The following RUSC2 variants were observed in gnomAD, a reference collection of about 807,000 sequenced individuals.
RUSC2 encodes RUN and SH3 domain containing 2, also known as AP-4 complex accessory subunit RUSC2.
Under a neutral mutation model 122.2 loss-of-function variants are expected in RUSC2, and 34 were observed. The observed-to-expected ratio is 0.28, with a 90% CI of 0.21 to 0.37. The LOEUF is 0.37. Ranked by LOEUF, RUSC2 falls within the 10% of genes least tolerant of loss-of-function variation. The pLI, the probability that RUSC2 is intolerant of heterozygous loss-of-function variation, is 1.00. For missense variants in RUSC2, 1,747 were observed against 1,952.4 expected, an observed-to-expected ratio of 0.89 and a Z score of 1.98; for synonymous variants, 784 against 790.0, an observed-to-expected ratio of 0.99 and a Z score of 0.13.
rs563327464 is a variant in RUSC2 at position 35,561,387 on chromosome 9, C to T, written c.*5C>T. 11 of 1,603,404 alleles carry T rather than the reference C, an allele frequency of 6.9e-6. No homozygotes were observed. In the East Asian group the frequency reaches 1.8e-4, roughly 26 times the overall value. On this transcript the variant is annotated 3_prime_UTR_variant, in exon 12 of 12. Coordinates refer to ENST00000361226, the MANE Select transcript of RUSC2 (RefSeq NM_014806.5). The stretch of plus-strand genomic sequence containing the variant: ...CCTGGAAGCAGCCAAAACTGAGGCC[C>T]TGTGCATGCTGGTGGCCTCAGGGAC...
chr9:35,528,810 G>C (rs891650800), intron 1 of RUSC2, among the ~76,000 whole-genome samples: 4 of 152,132 alleles, frequency 2.6e-5, no homozygotes, highest in African/African-American at 9.7e-5. Context: ...AAAGGGCCGG[G>C]CATGGTGTCT....
At chr9:35,544,307 C>CT (rs55870659) in intron 1 of RUSC2, among the ~76,000 whole-genome samples, 3,385 of 113,068 alleles carry the variant, frequency 0.03, 297 homozygotes, top group African/African-American at 0.097. Flanking sequence ...GATCATATGT[C>CT]TTTTTTTTTT....
chr9:35,555,116 A>G lies in RUSC2; in HGVS notation c.2071A>G (p.Thr691Ala). ...LRYSKEQRPTTLPIQPFVFQH... is the reference protein window; with the variant it reads ...LRYSKEQRPTALPIQPFVFQH... Reference sequence around the variant, plus strand: ...CTACAGCAAGGAACAGAGGCCAACCACACTGCCCATCCAGCCCTTCGTGTT... The same window carrying G: ...CTACAGCAAGGAACAGAGGCCAACCGCACTGCCCATCCAGCCCTTCGTGTT... The change falls in exon 3 of 12, where the codon ACA (threonine) becomes GCA (alanine). Residue 691 changes from threonine (T) to alanine (A), a missense_variant. Transcript: ENST00000361226. The surrounding 1 kb of genome is among the most constrained non-coding windows in gnomAD (Gnocchi z 4.6). 1 of 1,613,556 alleles carries G rather than the reference A, an allele frequency of 6.2e-7. No individual in the cohort carries two copies. Among genetic ancestry groups the G allele is most frequent in the Non-Finnish European group, 8.5e-7 (1 of 1,179,972 alleles).
intron 1 of RUSC2, among the ~76,000 whole-genome samples, chr9:35,541,516 G>A (rs979180878): frequency 7.9e-5 from 12 of 151,458 alleles, no homozygotes; most frequent in South Asian, 4.2e-4. Flanking sequence ...GCACGATCTC[G>A]GCTCACTGCA....
rs1291793402 is a variant in RUSC2 at position 35,561,395 on chromosome 9, G to C, written c.*13G>C. 6.3e-7 allele frequency: 1 copy of C among 1,598,200 alleles called. No homozygotes were observed. The highest frequency in any genetic ancestry group is 8.5e-7 in the Non-Finnish European group (1 of 1,171,820). ...CAGCCAAAACTGAGGCCCTGTGCAT[G>C]CTGGTGGCCTCAGGGACCCTCATAA... On this transcript the variant is annotated 3_prime_UTR_variant, in exon 12 of 12. Transcript: ENST00000361226.
chr9:35,548,052 C>T lies in RUSC2; in HGVS notation c.1531C>T (p.Leu511=), dbSNP rs142635607. ...RSLQRSPPVR[L]GSLERMLSCP... ...CCTGCAGCGCAGCCCTCCTGTCCGC[C>T]TGGGCTCGCTGGAACGTATGTTGAG... The change falls in exon 2 of 12, where the codon CTG becomes TTG. Residue 511 remains leucine (L), a synonymous_variant. Coordinates refer to ENST00000361226, the MANE Select transcript of RUSC2 (RefSeq NM_014806.5). The surrounding 1 kb of genome is among the most constrained non-coding windows in gnomAD (Gnocchi z 4.5). 9.5e-4 allele frequency: 1,525 copies of T among 1,613,594 alleles called. 1 individual carries two copies. The highest frequency in any genetic ancestry group is 1.2e-3 in the Non-Finnish European group (1,417 of 1,180,048).
chr9:35,546,781 G>C lies in RUSC2; in HGVS notation c.260G>C (p.Arg87Thr), dbSNP rs558092488. The change falls in exon 2 of 12, where the codon AGG becomes ACG. Residue 87 changes from arginine to threonine, a missense_variant. Coordinates refer to ENST00000361226, the MANE Select transcript of RUSC2 (RefSeq NM_014806.5). This position sits in a 1 kb window ranked among gnomAD's most constrained non-coding sequence, Gnocchi z 4.3. ...TARSIDSTKS[R>T]SRDGRGPGAP... The stretch of plus-strand genomic sequence containing the variant: ...CGGTCTATAGACAGCACCAAGAGTA[G>C]GAGTCGGGATGGAAGAGGCCCTGGA... 1.2e-6 allele frequency: 2 copies of C among 1,607,608 alleles called. No homozygotes were observed. Among genetic ancestry groups the C allele is most frequent in the Admixed American group, 1.7e-5 (1 of 59,362 alleles).
At chr9:35,496,369 C>T (rs147976717) in intron 1 of RUSC2, among the ~76,000 whole-genome samples, 89 of 152,264 alleles carry the variant, frequency 5.8e-4, no homozygotes, top group African/African-American at 2.0e-3. Flanking sequence ...AAACAAAGCT[C>T]GGTGCATTAA....
Position 35,555,217 on chromosome 9 carries a change from C to G in RUSC2, c.2172C>G (p.Gly724=), listed in dbSNP as rs775716958. The stretch of plus-strand genomic sequence containing the variant: ...TTTCCCAGCTCTACAGCCTCTCAGG[C>G]TGCAGCCGTACACAGCAGCCTGCCC... ...HSLSQLYSLS[G]CSRTQQPAPL... is the part of the protein sequence containing the mutation. Residue 724 remains glycine (G), a synonymous_variant, in exon 3 of 12, where the codon GGC becomes GGG. Coordinates refer to ENST00000361226, the MANE Select transcript of RUSC2 (RefSeq NM_014806.5). The surrounding 1 kb of genome is among the most constrained non-coding windows in gnomAD (Gnocchi z 4.6). 3 of 1,613,080 alleles carry G rather than the reference C, an allele frequency of 1.9e-6. No individual in the cohort carries two copies. The highest frequency in any genetic ancestry group is 2.5e-6 in the Non-Finnish European group (3 of 1,180,022).
rs1223333854 is a variant in RUSC2 at position 35,556,140 on chromosome 9, G to A, written c.2842+3G>A. Reference sequence around the variant, plus strand: ...CCATCTGAACTGCCGGCTGAATGGTGTGTGAGCAGGGTCCCCAGTACACCC... The same window carrying A: ...CCATCTGAACTGCCGGCTGAATGGTATGTGAGCAGGGTCCCCAGTACACCC... On this transcript the variant is annotated splice_donor_region_variant and intron_variant, in intron 4 of 11. Transcript: ENST00000361226. 6.2e-7 allele frequency: 1 copy of A among 1,613,922 alleles called. No individual in the cohort carries two copies. Among genetic ancestry groups the A allele is most frequent in the Non-Finnish European group, 8.5e-7 (1 of 1,179,852 alleles).
intron 1 of RUSC2, among the ~76,000 whole-genome samples, chr9:35,524,710 G>A (rs1019508948): frequency 1.3e-5 from 2 of 152,102 alleles, no homozygotes; most frequent in South Asian, 4.1e-4. Flanking sequence ...AGTGGCTCAC[G>A]CCTGTAATCC....
rs775659052 is a variant in RUSC2, at chr9:35,558,618, C to G, written c.3341+51C>G. On this transcript the variant is annotated intron_variant, in intron 8 of 11. Coordinates refer to ENST00000361226, the MANE Select transcript of RUSC2 (RefSeq NM_014806.5). This position sits in a 1 kb window ranked among gnomAD's most constrained non-coding sequence, Gnocchi z 4.3. ...CCTAAACAACTTGCCCTGCCCCCCA[C>G]CCCCGGGCTCTGCCTGCACCAAGGA... 1 of 1,439,274 alleles carries G rather than the reference C, an allele frequency of 6.9e-7. No individual in the cohort carries two copies. Among genetic ancestry groups the G allele is most frequent in the Non-Finnish European group, 9.8e-7 (1 of 1,021,824 alleles). The allele number at this position is 1,439,274 out of a possible 1,614,324, so 89.2% of individuals were successfully genotyped here. A position where few individuals can be genotyped will look rare whatever the true frequency, so the allele number is the denominator to read the frequency against.
chr9:35,553,703 G>A (rs1048023340), intron 2 of RUSC2, among the ~76,000 whole-genome samples: 4 of 152,218 alleles, frequency 2.6e-5, no homozygotes, highest in Non-Finnish European at 5.9e-5. Context: ...ACGGGGAAGT[G>A]TGGCTGGAGC....
rs1822116177 is a variant in RUSC2 at position 35,560,210 on chromosome 9, ACTGCTGCGGGTGTCCCAGGAC to A, written c.3578_3598del (p.Arg1193_Leu1199del). ...GGCAGCAGCAGCGGCAGCACAAGGAACTGCTGCGGGTGTCCCAGGACCTGCTGCTGTCTGCCCACTCCACGC... is the reference window on the plus strand; with the variant it reads ...GGCAGCAGCAGCGGCAGCACAAGGAACTGCTGCTGTCTGCCCACTCCACGC... On this transcript the variant is annotated inframe_deletion, in exon 10 of 12. Transcript: ENST00000361226. 1.2e-6 allele frequency: 2 copies of A among 1,604,720 alleles called. No homozygotes were observed. The highest frequency in any genetic ancestry group is 1.7e-6 in the Non-Finnish European group (2 of 1,179,340).
At chr9:35,533,044 G>A (rs969289742) in intron 1 of RUSC2, among the ~76,000 whole-genome samples, 6 of 151,144 alleles carry the variant, frequency 4.0e-5, no homozygotes, top group African/African-American at 1.2e-4. Context: ...TCAGGAGTTC[G>A]AGACCAGCCT....
At position 35,560,502 on chromosome 9, in the gene RUSC2, G is replaced by C. The variant is rs1822129286; in HGVS notation, c.3862G>C (p.Gly1288Arg). 1 of 1,614,086 alleles carries C rather than the reference G, an allele frequency of 6.2e-7. No individual in the cohort carries two copies. The highest frequency in any genetic ancestry group is 1.3e-5 in the African/African-American group (1 of 74,942). ...SQVYIDGSIEGSRFPRGSSNS... is the reference protein window; with the variant it reads ...SQVYIDGSIERSRFPRGSSNS... ...GGTCTACATCGATGGCTCCATTGAG[G>C]GTTCCAGGTTCCCTCGTGGTAGCAG... is the stretch of plus-strand genomic sequence containing the variant. Residue 1288 changes from glycine (G) to arginine (R), a missense_variant, in exon 10 of 12, where the codon GGT becomes CGT. By Grantham distance (125) the Gly-to-Arg change is moderately radical. Coordinates refer to ENST00000361226, the MANE Select transcript of RUSC2 (RefSeq NM_014806.5).
rs767847666 is a variant in RUSC2, at chr9:35,547,672, A to G, written c.1151A>G (p.Gln384Arg). The change falls in exon 2 of 12, where the codon CAA (glutamine) becomes CGA (arginine). Residue 384 changes from glutamine (Q) to arginine (R), a missense_variant. By Grantham distance (43) the Gln-to-Arg change is conservative. Coordinates refer to ENST00000361226, the MANE Select transcript of RUSC2 (RefSeq NM_014806.5). The surrounding 1 kb of genome is among the most constrained non-coding windows in gnomAD (Gnocchi z 4.6). ...PAVADLTACF[Q>R]SQARLVVATQ... ...GTGGCTGACCTCACAGCCTGCTTCC[A>G]AAGCCAGGCCCGTCTTGTTGTGGCC... is the stretch of plus-strand genomic sequence containing the variant. The G allele has an allele frequency of 2.5e-6, 4 of 1,614,150 alleles. No homozygotes were observed. In the East Asian group the frequency reaches 6.7e-5, roughly 27 times the overall value.
intron 1 of RUSC2, among the ~76,000 whole-genome samples, chr9:35,491,408 A>G (rs1470260112): frequency 6.6e-6 from 1 of 152,212 alleles, no homozygotes; most frequent in Non-Finnish European, 1.5e-5. Flanking sequence ...TAATGGAAGG[A>G]AGAGCAGATC....
At chr9:35,513,178 A>G (rs1193596808) in intron 1 of RUSC2, among the ~76,000 whole-genome samples, 2 of 150,084 alleles carry the variant, frequency 1.3e-5, no homozygotes, top group African/African-American at 4.9e-5. Context: ...GGACTTGAGA[A>G]TTATACTTTG....
Sources: gnomAD v4.1 joint callset for allele counts (sites outside exome capture counted in the v4.1 genomes callset) on GRCh38, gnomAD v4.1.1 for gene constraint, Gnocchi (gnomAD v3.1) non-coding constraint, MANE v1.5 for transcripts, NCBI Gene and HGNC (gene_info 2026-07-23, HGNC 2026-07-21) for gene names.